FHIT: variants seen among roughly 807,000 people sequenced by gnomAD.
FHIT encodes fragile histidine triad diadenosine triphosphatase.
Under a neutral mutation model 17.9 loss-of-function variants are expected in FHIT, and 19 were observed. That is an observed-to-expected ratio of 1.06 (90% CI 0.74 to 1.56). FHIT has a LOEUF of 1.56. Among genes scored for constraint, FHIT ranks in the 40% most tolerant of loss-of-function variants. The pLI is 0.00. For missense variants in FHIT, 248 were observed against 189.2 expected, an observed-to-expected ratio of 1.31 and a Z score of -1.82; for synonymous variants, 81 against 69.7, an observed-to-expected ratio of 1.16 and a Z score of -0.81.
chr3:61,166,171 A>C (rs956382995), intron 2 of FHIT, among the ~76,000 whole-genome samples: 12 of 152,224 alleles, frequency 7.9e-5, no homozygotes, highest in African/African-American at 2.4e-4. Context: ...AGATAGGTAC[A>C]GAATTTAAGA....
chr3:59,820,530 C>T (rs1700751254), intron 8 of FHIT, among the ~76,000 whole-genome samples: 2 of 152,188 alleles, frequency 1.3e-5, no homozygotes, highest in African/African-American at 4.8e-5. Flanking sequence ...TCCCATGAAC[C>T]AAATCAGACC....
chr3:60,070,592 G>A (rs1464671246), intron 5 of FHIT, among the ~76,000 whole-genome samples: 5 of 152,174 alleles, frequency 3.3e-5, no homozygotes, highest in African/African-American at 1.2e-4. Context: ...AGATTTGGGA[G>A]CTTTTGTCAC....
chr3:60,003,794 CACT>C (rs534354328), intron 7 of FHIT, among the ~76,000 whole-genome samples: 122 of 151,228 alleles, frequency 8.1e-4, no homozygotes, highest in Non-Finnish European at 1.4e-3. Flanking sequence ...TTGAATTGGC[CACT>C]AATATTTAAT....
intron 5 of FHIT, among the ~76,000 whole-genome samples, chr3:60,253,940 T>C (rs944585491): frequency 6.6e-6 from 1 of 152,232 alleles, no homozygotes; most frequent in East Asian, 1.9e-4. Context: ...ATCTCAACTA[T>C]TTCTTTTCTT....
intron 3 of FHIT, among the ~76,000 whole-genome samples, chr3:60,955,609 T>TATATATACATATATATATATAC (rs1559862241): frequency 8.7e-4 from 8 of 9,164 alleles, no homozygotes; most frequent in African/African-American, 1.2e-3. Flanking sequence ...TATATATATA[T>TATATATACATATATATATATAC]ATATATATAT....
intron 4 of FHIT, chr3:60,732,237 G>A: frequency 1.2e-6 from 1 of 847,872 alleles, no homozygotes; most frequent in South Asian, 1.3e-5. Flanking sequence ...TGATATTCAT[G>A]CCTTCACCAT....
chr3:60,198,870 C>T (rs554209503), intron 5 of FHIT, among the ~76,000 whole-genome samples: 19 of 152,134 alleles, frequency 1.2e-4, no homozygotes, highest in Non-Finnish European at 2.4e-4. Flanking sequence ...GGAATGAAGG[C>T]TTATTAATAA....
chr3:60,067,322 TTGAA>T (rs4024132), intron 5 of FHIT, among the ~76,000 whole-genome samples: 17,213 of 151,290 alleles, frequency 0.11, 1,173 homozygotes, highest in African/African-American at 0.2. Flanking sequence ...CAAATATGTA[TTGAA>T]TGAATGAATG....
intron 5 of FHIT, among the ~76,000 whole-genome samples, chr3:60,418,283 T>C (rs536897937): frequency 1.5e-3 from 231 of 150,490 alleles, no homozygotes; most frequent in African/African-American, 5.4e-3. Context: ...TAAAAATATG[T>C]ATTAACATTA....
chr3:60,479,035 T>C (rs891552831), intron 5 of FHIT, among the ~76,000 whole-genome samples: 6 of 152,184 alleles, frequency 3.9e-5, no homozygotes, highest in East Asian at 1.9e-4. Flanking sequence ...CTGTAGAACA[T>C]TCATGATGAA....
At chr3:60,999,351 G>A (rs2030902321) in intron 3 of FHIT, among the ~76,000 whole-genome samples, 1 of 151,802 alleles carries the variant, frequency 6.6e-6, no homozygotes, top group Non-Finnish European at 1.5e-5. Flanking sequence ...ACAAACAGTT[G>A]CAAGAAATCT....
rs1021630935 is a variant in FHIT at position 59,851,481 on chromosome 3, C to G, written c.348+70865G>C. Among the ~76,000 whole-genome samples, 3 of 148,888 alleles carry G rather than the reference C, an allele frequency of 2.0e-5. No homozygotes were observed. In the South Asian group the frequency reaches 6.5e-4, roughly 32 times the overall value. On this transcript the variant is annotated intron_variant, in intron 8 of 9. Coordinates refer to ENST00000492590, the MANE Select transcript of FHIT (RefSeq NM_002012.4). ...AGGCAAAGTGTGAAAAACTAAGTAA[C>G]TTGTCTTAAGTTAAACAGCTAATGG...
intron 2 of FHIT, among the ~76,000 whole-genome samples, chr3:61,060,088 C>G (rs1285300196): frequency 6.6e-6 from 1 of 152,142 alleles, no homozygotes; most frequent in Admixed American, 6.5e-5. Context: ...CTGGGACATG[C>G]TGCAGCCATC....
chr3:61,139,605 G>A (rs1028766805), intron 2 of FHIT, among the ~76,000 whole-genome samples: 5 of 151,860 alleles, frequency 3.3e-5, no homozygotes, highest in Non-Finnish European at 7.4e-5. Flanking sequence ...TGTAGAAGTA[G>A]GCTGGAAAAT....
chr3:61,240,375 C>A (rs2040345440), intron 1 of FHIT, among the ~76,000 whole-genome samples: 1 of 152,178 alleles, frequency 6.6e-6, no homozygotes, highest in Non-Finnish European at 1.5e-5. Context: ...GTCACATATA[C>A]TCTGGTATGA....
chr3:60,130,039 T>G (rs923071386), intron 5 of FHIT, among the ~76,000 whole-genome samples: 4 of 152,142 alleles, frequency 2.6e-5, no homozygotes, highest in Non-Finnish European at 5.9e-5. Flanking sequence ...ATTCACAGTC[T>G]AAGCATTTTG....
At chr3:59,827,859 T>C (rs1384106377) in intron 8 of FHIT, among the ~76,000 whole-genome samples, 1 of 152,246 alleles carries the variant, frequency 6.6e-6, no homozygotes, top group African/African-American at 2.4e-5. Context: ...GCATGTTGGA[T>C]TGCTCTCTAC....
At chr3:60,679,642 T>C (rs782518953) in intron 4 of FHIT, among the ~76,000 whole-genome samples, 4 of 152,114 alleles carry the variant, frequency 2.6e-5, no homozygotes, top group South Asian at 2.1e-4. Context: ...AATTATTCTA[T>C]AAATACTATA....
At chr3:60,607,488 G>A (rs1189594502) in intron 4 of FHIT, among the ~76,000 whole-genome samples, 1 of 151,720 alleles carries the variant, frequency 6.6e-6, no homozygotes, top group East Asian at 1.9e-4. Context: ...TACTGAAGTT[G>A]GGGTAATTGG....
Sources: gnomAD v4.1 joint callset for allele counts (sites outside exome capture counted in the v4.1 genomes callset) on GRCh38, gnomAD v4.1.1 for gene constraint, MANE v1.5 for transcripts, NCBI Gene and HGNC (gene_info 2026-07-23, HGNC 2026-07-21) for gene names.